Variants in TBC1D19 observed in about 807,000 individuals in gnomAD.
TBC1D19 encodes TBC1 domain family member 19.
Under a neutral mutation model 89.0 loss-of-function variants are expected in TBC1D19, and 60 were observed. That is an observed-to-expected ratio of 0.67 (90% confidence interval 0.55 to 0.84). The LOEUF is 0.84. Ranked by LOEUF, TBC1D19 falls within the 40% of genes least tolerant of loss-of-function variation. The pLI is 0.00. For missense variants in TBC1D19, 500 were observed against 610.8 expected (o/e 0.82, Z 1.91); for synonymous variants, 189 against 199.7 (o/e 0.95, Z 0.45).
intron 15 of TBC1D19, among the ~76,000 whole-genome samples, chr4:26,722,690 G>A (rs1032926457): frequency 1.3e-5 from 2 of 152,056 alleles, no homozygotes; most frequent in East Asian, 1.9e-4. Context: ...AAAAAATCTC[G>A]CTATAGTAAT....
chr4:26,817,949 CAA>C, the TBC1D19 span, among the ~76,000 whole-genome samples: 1 of 125,774 alleles, frequency 8.0e-6, no homozygotes, highest in Admixed American at 8.2e-5. Flanking sequence ...GCCTGGGTAA[CAA>C]GAGTGGAAAC....
At chr4:26,649,981 C>T (rs1375679422) in intron 7 of TBC1D19, among the ~76,000 whole-genome samples, 10 of 151,950 alleles carry the variant, frequency 6.6e-5, no homozygotes, top group East Asian at 5.8e-4. Flanking sequence ...TTTGTCCTTG[C>T]GATAGTTTGC....
At chr4:26,677,708 G>A (rs1161542229) in intron 11 of TBC1D19, among the ~76,000 whole-genome samples, 2 of 152,016 alleles carry the variant, frequency 1.3e-5, no homozygotes, top group East Asian at 1.9e-4. Context: ...TTAAATCATG[G>A]GAGCAGTTTC....
intron 4 of TBC1D19, among the ~76,000 whole-genome samples, chr4:26,626,996 G>A (rs947518955): frequency 3.3e-5 from 5 of 151,114 alleles, no homozygotes; most frequent in Non-Finnish European, 5.9e-5. Flanking sequence ...CCATTAACTC[G>A]TCATTTAGCA....
chr4:26,640,490 A>G (rs546579878), intron 7 of TBC1D19, among the ~76,000 whole-genome samples: 1 of 152,324 alleles, frequency 6.6e-6, no homozygotes, highest in South Asian at 2.1e-4. Context: ...AGCGTGATCA[A>G]CACAGAAGAC....
rs1188412859 is a variant in TBC1D19, at chr4:26,657,053, CTTG to C, written c.481-2541_481-2539del. Among the ~76,000 whole-genome samples, 298 of 101,892 alleles carry C rather than the reference CTTG, an allele frequency of 2.9e-3. 3 individuals are homozygous for C. Among genetic ancestry groups the C allele is most frequent in the South Asian group, 0.021 (57 of 2,736 alleles). The allele number at this position is 101,892 out of a possible 152,430, so 66.8% of individuals were successfully genotyped here. A position where few individuals can be genotyped will look rare whatever the true frequency, so the allele number is the denominator to read the frequency against. On this transcript the variant is annotated intron_variant, in intron 7 of 20. Coordinates refer to ENST00000264866, the MANE Select transcript of TBC1D19 (RefSeq NM_018317.4). Reference sequence around the variant, plus strand: ...TCCTTCTCTCTTTCTTCTTCCTCTTCTTGTTCTTCTTCTTCTTCTTCTTCTTCA... The same window carrying C: ...TCCTTCTCTCTTTCTTCTTCCTCTTCTTCTTCTTCTTCTTCTTCTTCTTCA...
the TBC1D19 span, among the ~76,000 whole-genome samples, chr4:26,847,226 C>T: frequency 2.0e-5 from 3 of 152,082 alleles, no homozygotes; most frequent in African/African-American, 2.4e-5. Context: ...ATGGGAGAGA[C>T]GGACAATATT....
intron 16 of TBC1D19, among the ~76,000 whole-genome samples, chr4:26,735,891 A>G (rs1718014239): frequency 6.6e-6 from 1 of 151,432 alleles, no homozygotes; most frequent in African/African-American, 2.4e-5. Context: ...AAAAGTCAGG[A>G]AACAATAGGT....
rs116058157 is a variant in TBC1D19 at position 26,692,519 on chromosome 4, C to T, written c.954+4112C>T. 7.8e-3 allele frequency among the ~76,000 whole-genome samples: 1,182 copies of T among 152,288 alleles called. 10 individuals carry two copies. Among genetic ancestry groups the T allele is most frequent in the African/African-American group, 0.027 (1,111 of 41,556 alleles). On this transcript the variant is annotated intron_variant, in intron 13 of 20. Coordinates refer to ENST00000264866, the MANE Select transcript of TBC1D19 (RefSeq NM_018317.4). ...GAGAAGTAGGCCACTGTCCACAATC[C>T]GGCTCCAGGGCAAATGACTCAGAGA...
At chr4:26,813,977 C>T in the TBC1D19 span, among the ~76,000 whole-genome samples, 1 of 152,182 alleles carries the variant, frequency 6.6e-6, no homozygotes, top group African/African-American at 2.4e-5. Flanking sequence ...ACTTCACACT[C>T]CAACACTCAG....
chr4:26,835,856 T>G, the TBC1D19 span, among the ~76,000 whole-genome samples: 3 of 152,208 alleles, frequency 2.0e-5, no homozygotes, highest in Non-Finnish European at 4.4e-5. Context: ...GCTTGTGTTC[T>G]GTGATGCCTA....
intron 13 of TBC1D19, among the ~76,000 whole-genome samples, chr4:26,707,699 C>T (rs561507075): frequency 6.6e-6 from 1 of 151,918 alleles, no homozygotes; most frequent in South Asian, 2.1e-4. Flanking sequence ...TTTCTCTTCT[C>T]TTTTGTGTAT....
chr4:26,644,443 A>T (rs1489097359), intron 7 of TBC1D19, among the ~76,000 whole-genome samples: 1 of 152,212 alleles, frequency 6.6e-6, no homozygotes, highest in Non-Finnish European at 1.5e-5. Flanking sequence ...AGAGCTATTT[A>T]TGACAAACCC....
At chr4:26,631,329 A>C (rs1742796016) in intron 4 of TBC1D19, among the ~76,000 whole-genome samples, 1 of 151,960 alleles carries the variant, frequency 6.6e-6, no homozygotes, top group Admixed American at 6.6e-5. Flanking sequence ...CTTTTTGCAA[A>C]CTATCTCTGT....
At chr4:26,595,787 T>G (rs1263518891) in intron 1 of TBC1D19, among the ~76,000 whole-genome samples, 1 of 152,180 alleles carries the variant, frequency 6.6e-6, no homozygotes, top group African/African-American at 2.4e-5. Context: ...GATCTATTTC[T>G]AGGTCTCTAT....
chr4:26,735,094 A>G (rs1156527249), intron 15 of TBC1D19, among the ~76,000 whole-genome samples: 3 of 150,654 alleles, frequency 2.0e-5, no homozygotes, highest in African/African-American at 7.4e-5. Flanking sequence ...ATGTATACAC[A>G]TGTATATATG....
intron 1 of TBC1D19, among the ~76,000 whole-genome samples, chr4:26,604,619 C>T (rs1281924843): frequency 1.3e-5 from 2 of 151,292 alleles, no homozygotes; most frequent in Non-Finnish European, 2.9e-5. Flanking sequence ...GCCTGTAATC[C>T]CAGCACTTTA....
At chr4:26,751,330 G>C (rs1405816012) in intron 19 of TBC1D19, among the ~76,000 whole-genome samples, 1 of 152,166 alleles carries the variant, frequency 6.6e-6, no homozygotes, top group Non-Finnish European at 1.5e-5. Flanking sequence ...TGCTGGAGCA[G>C]AAAATTTGGC....
intron 13 of TBC1D19, among the ~76,000 whole-genome samples, chr4:26,714,962 A>G (rs1246412144): frequency 2.0e-5 from 3 of 151,932 alleles, no homozygotes; most frequent in Non-Finnish European, 4.4e-5. Flanking sequence ...ATATCCTAGA[A>G]TGCCTCAAGT....
Sources: allele counts gnomAD v4.1 joint callset (sites outside exome capture counted in the v4.1 genomes callset), GRCh38; gene constraint gnomAD v4.1.1; transcripts MANE v1.5; gene names NCBI Gene and HGNC (gene_info 2026-07-23, HGNC 2026-07-21).